The following ASPM variants were observed in gnomAD, a reference collection of about 807,000 sequenced individuals.
ASPM encodes assembly factor for spindle microtubules.
ASPM carries 256 observed loss-of-function variants against 366.4 expected under a neutral mutation model. The ratio of observed to expected loss-of-function variants is 0.70; its 90% confidence interval spans 0.63 to 0.77. ASPM has a LOEUF of 0.77. Ranked by LOEUF, ASPM falls within the 30% of genes least tolerant of loss-of-function variation. The pLI, the probability that ASPM is intolerant of heterozygous loss-of-function variation, is 0.00. For missense variants in ASPM, 4,146 were observed against 4,090.4 expected, an observed-to-expected ratio of 1.01 and a Z score of -0.37; for synonymous variants, 1,414 against 1,342.9, an observed-to-expected ratio of 1.05 and a Z score of -1.16.
At chr1:197,129,829 G>A (rs1203495955) in intron 8 of ASPM, 86 bp downstream of exon 8, 2 of 1,511,570 alleles carry the variant, frequency 1.3e-6, no homozygotes, top group East Asian at 2.3e-5. Context: ...CTTTGAGAAA[G>A]GAAAATGTAA....
At chr1:197,111,647 T>C (rs1657588155) in intron 17 of ASPM, among the ~76,000 whole-genome samples, 1 of 152,098 alleles carries the variant, frequency 6.6e-6, no homozygotes, top group Non-Finnish European at 1.5e-5. Context: ...GCAGAACTAA[T>C]TCACAATAGC....
chr1:197,117,890 T>C lies in ASPM; in HGVS notation c.3964A>G (p.Ile1322Val), dbSNP rs753263565. Residue 1322 changes from isoleucine (I) to valine (V), a missense_variant, in exon 17 of 28, where the codon ATT becomes GTT. Physicochemically the swap from Ile to Val is conservative, Grantham distance 29 (BLOSUM62 3). Around this residue, in one of 3 missense-constraint regions of ASPM, gnomAD observed 3,624 missense variants for 3,591.7 expected, o/e 1.01. Coordinates refer to ENST00000367409, the MANE Select transcript of ASPM (RefSeq NM_018136.5). ...LRKRVNAALV[I>V]QKYWRRVLAQ... Reference sequence around the variant, plus strand: ...AAGACTCTTCGCCAATATTTCTGAATGACGAGTGCTGCATTAACTCTTTTT... The same window carrying C: ...AAGACTCTTCGCCAATATTTCTGAACGACGAGTGCTGCATTAACTCTTTTT... 2 of 1,613,350 alleles carry C rather than the reference T, an allele frequency of 1.2e-6. No individual in the cohort carries two copies. The highest frequency in any genetic ancestry group is 1.7e-5 in the Admixed American group (1 of 59,962).
Position 197,128,624 on chromosome 1 carries a change from T to C in ASPM, c.2802A>G (p.Leu934=), listed in dbSNP as rs908235697. ...GACGGGAAAGGTCACCTTCACCACT[T>C]AGGAAATCTCGTGAAAAAGCCAAAA... ...EILLAFSRDF[L]SGEGDLSRHL... is the part of the protein sequence containing the mutation. Residue 934 remains leucine, a synonymous_variant, in exon 10 of 28, where the codon CTA becomes CTG. Coordinates refer to ENST00000367409, the MANE Select transcript of ASPM (RefSeq NM_018136.5). 1.2e-6 allele frequency: 2 copies of C among 1,613,814 alleles called. No homozygotes were observed. Among genetic ancestry groups the C allele is most frequent in the Non-Finnish European group, 1.7e-6 (2 of 1,179,808 alleles).
rs1558328236 is a variant in ASPM, at chr1:197,101,015, G to A, written c.8236C>T (p.Gln2746Ter). ...LAVQKSVRTI[Q>*]AAFRGMKVRQ... ...ACTTTCATGCCTCTAAAAGCAGCCTGAATAGTTCGTACAGATTTCTGAACT... is the reference window on the plus strand; with the variant it reads ...ACTTTCATGCCTCTAAAAGCAGCCTAAATAGTTCGTACAGATTTCTGAACT... The change falls in exon 18 of 28, where the codon CAG becomes TAG. Residue 2746 changes from glutamine (Q) to a stop codon, truncating the protein, a stop_gained. Coordinates refer to ENST00000367409, the MANE Select transcript of ASPM (RefSeq NM_018136.5). LOFTEE classifies it high-confidence loss of function. 6.2e-7 allele frequency: 1 copy of A among 1,612,288 alleles called. No individual in the cohort carries two copies. The highest frequency in any genetic ancestry group is 1.7e-5 in the Admixed American group (1 of 59,734).
At chr1:197,134,247 T>TA (rs1380702824) in intron 5 of ASPM, among the ~76,000 whole-genome samples, 348 of 52,842 alleles carry the variant, frequency 6.6e-3, no homozygotes, top group African/African-American at 0.01. Flanking sequence ...AAATAAAAAA[T>TA]AATAAAAAAA....
At position 197,140,927 on chromosome 1, in the gene ASPM, G is replaced by A. The variant is rs565781640; in HGVS notation, c.1922-1056C>T. ...GAATAACAGGCTGATTCCCAAATAT[G>A]TAACCAAGATGGTTGATATAATGCC... On this transcript the variant is annotated intron_variant, in intron 3 of 27. Transcript: ENST00000367409. 3.9e-5 allele frequency among the ~76,000 whole-genome samples: 6 copies of A among 152,244 alleles called. 1 individual carries two copies. Among genetic ancestry groups the A allele is most frequent in the African/African-American group, 1.4e-4 (6 of 41,550 alleles).
intron 16 of ASPM, among the ~76,000 whole-genome samples, chr1:197,120,331 A>C (rs1378363629): frequency 6.6e-6 from 1 of 152,124 alleles, no homozygotes; most frequent in Non-Finnish European, 1.5e-5. Flanking sequence ...GGAGTTTAAG[A>C]CCAGCCTAGG....
chr1:197,091,661 C>T (rs1362960219), intron 22 of ASPM, among the ~76,000 whole-genome samples: 3 of 151,890 alleles, frequency 2.0e-5, no homozygotes, highest in African/African-American at 7.3e-5. Flanking sequence ...AAACAGGGTA[C>T]CCTCAAGACT....
intron 4 of ASPM, 77 bp downstream of exon 4, chr1:197,139,690 T>G: frequency 8.8e-7 from 1 of 1,135,300 alleles, no homozygotes; most frequent in Non-Finnish European, 1.3e-6. Flanking sequence ...AAAAATCAAT[T>G]CATTTCCATG....
intron 10 of ASPM, among the ~76,000 whole-genome samples, chr1:197,126,169 G>A (rs752504157): frequency 4.6e-5 from 7 of 152,086 alleles, no homozygotes; most frequent in Non-Finnish European, 7.4e-5. Context: ...GGCCAGCCGC[G>A]GTGGCTCACG....
intron 17 of ASPM, 130 bp from the exon 18 acceptor site, chr1:197,105,315 T>C (rs1453725074): frequency 2.8e-5 from 22 of 773,994 alleles, no homozygotes; most frequent in Non-Finnish European, 2.9e-5. Context: ...TAATTATTTT[T>C]GTGAGATATT....
rs908430857 is a variant in ASPM at position 197,146,264 on chromosome 1, T to A, written c.174A>T (p.Gly58=). The A allele has an allele frequency of 1.2e-6, 2 of 1,613,784 alleles. No individual in the cohort carries two copies. The highest frequency in any genetic ancestry group is 2.7e-5 in the African/African-American group (2 of 74,820). The change falls in exon 1 of 28, where the codon GGA becomes GGT. Residue 58 remains glycine, a synonymous_variant. Coordinates refer to ENST00000367409, the MANE Select transcript of ASPM (RefSeq NM_018136.5). ...GGGCCAGAGACAGCGTCCGTGAGGCTCCCAGGAGAACGTCCCCGAAGCAAA... is the reference window on the plus strand; with the variant it reads ...GGGCCAGAGACAGCGTCCGTGAGGCACCCAGGAGAACGTCCCCGAAGCAAA... ...PFLCFGDVLL[G]ASRTLSLALD...
intron 16 of ASPM, 130 bp downstream of exon 16, chr1:197,121,785 T>C: frequency 8.5e-7 from 1 of 1,170,124 alleles, no homozygotes; most frequent in Non-Finnish European, 1.2e-6. Flanking sequence ...CCAAAATACA[T>C]ATACACAATT....
At chr1:197,135,445 C>G (rs562016957) in intron 4 of ASPM, among the ~76,000 whole-genome samples, 1 of 152,036 alleles carries the variant, frequency 6.6e-6, no homozygotes, top group African/African-American at 2.4e-5. Context: ...GCGATATTTC[C>G]TGGTTATTTA....
intron 18 of ASPM, 101 bp from the exon 19 acceptor site, chr1:197,096,265 G>A: frequency 9.5e-7 from 1 of 1,055,366 alleles, no homozygotes; most frequent in Admixed American, 1.8e-5. Context: ...GGTTAGTGCA[G>A]ACAAAAATAA....
chr1:197,090,813 TAA>T, intron 23 of ASPM, 35 bp downstream of exon 23: 1 of 1,581,020 alleles, frequency 6.3e-7, no homozygotes, highest in African/African-American at 1.3e-5. Flanking sequence ...AATTGCAAAC[TAA>T]AGTTTTGAAC....
In ASPM at chr1:197,104,010, C is replaced by T. The variant is rs763674072; in HGVS notation, c.5241G>A (p.Gln1747=). The T allele has an allele frequency of 8.1e-6, 13 of 1,612,512 alleles. No homozygotes were observed. Among genetic ancestry groups the T allele is most frequent in the Non-Finnish European group, 4.2e-6 (5 of 1,179,426 alleles). Residue 1747 remains glutamine, a synonymous_variant, in exon 18 of 28, where the codon CAG becomes CAA. Coordinates refer to ENST00000367409, the MANE Select transcript of ASPM (RefSeq NM_018136.5). ...TAACAGCTTTTCTTTGTAACCTCAT[C>T]TGCTTTCGGACAAGGTATCCTCTAA... is the stretch of plus-strand genomic sequence containing the variant. ...AFVRGYLVRK[Q]MRLQRKAVIS...
At chr1:197,121,415 A>C (rs1466048082) in intron 16 of ASPM, among the ~76,000 whole-genome samples, 2 of 152,170 alleles carry the variant, frequency 1.3e-5, no homozygotes, top group Non-Finnish European at 2.9e-5. Context: ...CCACTTTTAA[A>C]ACTAATAAAG....
rs530257231 is a variant in ASPM at position 197,104,786 on chromosome 1, A to T, written c.4465T>A (p.Ser1489Thr). The change falls in exon 18 of 28, where the codon TCT becomes ACT. Residue 1489 changes from serine to threonine, a missense_variant. Physicochemically the swap from Ser to Thr is moderately conservative, Grantham distance 58. Around this residue, in one of 3 missense-constraint regions of ASPM, gnomAD observed 3,624 missense variants for 3,591.7 expected, o/e 1.01. Coordinates refer to ENST00000367409, the MANE Select transcript of ASPM (RefSeq NM_018136.5). ...KELRKYIYIRSCVVIIQKRFR... is the reference protein window; with the variant it reads ...KELRKYIYIRTCVVIIQKRFR... ...CTTTTCTGAATGATAACAACACAAG[A>T]TCTAATATAAATATATTTCCGTAAT... 2 of 1,588,414 alleles carry T rather than the reference A, an allele frequency of 1.3e-6. No homozygotes were observed. Among genetic ancestry groups the T allele is most frequent in the South Asian group, 2.3e-5 (2 of 85,782 alleles).
Sources: allele counts gnomAD v4.1 joint callset (sites outside exome capture counted in the v4.1 genomes callset), GRCh38; gene constraint gnomAD v4.1.1; regional missense constraint gnomAD v4.1.1; transcripts MANE v1.5; gene names NCBI Gene and HGNC (gene_info 2026-07-23, HGNC 2026-07-21).